Variants in PTN observed in about 807,000 individuals in gnomAD.
PTN encodes pleiotrophin, also known as heparin affin regulatory protein.
Under a neutral mutation model 24.1 loss-of-function variants are expected in PTN, and 18 were observed. The observed-to-expected ratio is 0.75, with a 90% confidence interval of 0.52 to 1.11. The LOEUF (loss-of-function observed/expected upper bound fraction) is 1.11. Among genes scored for constraint, PTN ranks in the 50% least tolerant of loss-of-function variants. PTN has a pLI of 0.00. For missense variants in PTN, 163 were observed against 198.8 expected (o/e 0.82, Z 1.08); for synonymous variants, 78 against 68.6 (o/e 1.14, Z -0.67).
intron 1 of PTN, among the ~76,000 whole-genome samples, chr7:137,296,713 T>C (rs957747515): frequency 3.9e-5 from 6 of 152,090 alleles, no homozygotes; most frequent in African/African-American, 1.4e-4. Context: ...CAGAGGGGAC[T>C]CTGTACAATT....
chr7:137,265,491 G>T (rs917879596), intron 1 of PTN, among the ~76,000 whole-genome samples: 6 of 152,316 alleles, frequency 3.9e-5, no homozygotes, highest in Admixed American at 3.9e-4. Context: ...GGTCTCCAAG[G>T]AATGCTAAGT....
At chr7:137,232,772 T>G (rs1012335910) in intron 4 of PTN, among the ~76,000 whole-genome samples, 1 of 151,914 alleles carries the variant, frequency 6.6e-6, no homozygotes, top group Non-Finnish European at 1.5e-5. Flanking sequence ...CAGGACCAGA[T>G]GGAGGTAATT....
intron 1 of PTN, among the ~76,000 whole-genome samples, chr7:137,319,982 T>C (rs1357746894): frequency 1.3e-5 from 2 of 152,194 alleles, no homozygotes; most frequent in African/African-American, 4.8e-5. Flanking sequence ...CACATGTCTG[T>C]ATGTCCATGT....
rs75507813 is a variant in PTN, at chr7:137,243,754, C to A, written c.451+7476G>T. 8.3e-3 allele frequency among the ~76,000 whole-genome samples: 1,269 copies of A among 152,188 alleles called. 13 individuals carry two copies. The highest frequency in any genetic ancestry group is 0.014 in the Non-Finnish European group (947 of 68,008). On this transcript the variant is annotated intron_variant, in intron 4 of 4. Transcript: ENST00000348225. ...TTGGATAGTCCCTCAAGAAAGGGGG[C>A]AGAAGTGACTGGTTTCGGAGGGTCA...
At chr7:137,230,536 T>G (rs1042252359) in intron 4 of PTN, among the ~76,000 whole-genome samples, 2 of 151,836 alleles carry the variant, frequency 1.3e-5, no homozygotes, top group African/African-American at 4.8e-5. Flanking sequence ...AATTCATATT[T>G]GCAATAAGGT....
intron 1 of PTN, among the ~76,000 whole-genome samples, chr7:137,318,135 G>A (rs1271326978): frequency 6.6e-6 from 1 of 152,192 alleles, no homozygotes; most frequent in African/African-American, 2.4e-5. Context: ...AGGCATGGCG[G>A]CACATGCCTG....
intron 4 of PTN, among the ~76,000 whole-genome samples, chr7:137,243,815 T>C (rs1011820495): frequency 1.1e-4 from 17 of 152,162 alleles, no homozygotes; most frequent in African/African-American, 4.1e-4. Context: ...GTTCTAAGCA[T>C]TATATGTGCT....
At chr7:137,294,501 G>C (rs151195614) in intron 1 of PTN, among the ~76,000 whole-genome samples, 1 of 152,208 alleles carries the variant, frequency 6.6e-6, no homozygotes, top group East Asian at 1.9e-4. Context: ...TGTCTGCTTT[G>C]CTTGGCAGTC....
chr7:137,325,537 G>C (rs1314149821), intron 1 of PTN: 1 of 152,426 alleles, frequency 6.6e-6, no homozygotes, highest in Non-Finnish European at 1.5e-5. Context: ...CCAGGGCAGG[G>C]GCCCTTTCAA....
Position 137,281,310 on chromosome 7 carries a change from G to A in PTN, c.-1-26336C>T, listed in dbSNP as rs557912535. ...GTGATTCTTTCAGATTTTGGTTAAAGTGATAAAGCTTTCACTCATAAAAGA... is the reference window on the plus strand; with the variant it reads ...GTGATTCTTTCAGATTTTGGTTAAAATGATAAAGCTTTCACTCATAAAAGA... On this transcript the variant is annotated intron_variant, in intron 1 of 4. Coordinates refer to ENST00000348225, the MANE Select transcript of PTN (RefSeq NM_002825.7). 3.1e-4 allele frequency among the ~76,000 whole-genome samples: 47 copies of A among 151,718 alleles called. 1 individual carries two copies. In the South Asian group the frequency reaches 9.6e-3, roughly 31 times the overall value.
chr7:137,282,424 C>A (rs1021039316), intron 1 of PTN, among the ~76,000 whole-genome samples: 1 of 152,058 alleles, frequency 6.6e-6, no homozygotes, highest in Non-Finnish European at 1.5e-5. Flanking sequence ...ATGACTGATA[C>A]TTTATTATTC....
chr7:137,249,033 C>T (rs1168736374), intron 4 of PTN, among the ~76,000 whole-genome samples: 3 of 152,042 alleles, frequency 2.0e-5, no homozygotes, highest in African/African-American at 7.2e-5. Context: ...AGATGAGATA[C>T]TGTATAAAGG....
intron 1 of PTN, among the ~76,000 whole-genome samples, chr7:137,307,764 AAC>A (rs1563219287): frequency 6.6e-6 from 1 of 152,124 alleles, no homozygotes. Flanking sequence ...AACCAATACC[AAC>A]AACCCTGCCC....
chr7:137,329,719 T>C (rs1318627116), intron 1 of PTN, among the ~76,000 whole-genome samples: 1 of 152,178 alleles, frequency 6.6e-6, no homozygotes, highest in Non-Finnish European at 1.5e-5. Context: ...AAAATGTTAC[T>C]CCAATTCTAT....
intron 1 of PTN, among the ~76,000 whole-genome samples, chr7:137,276,204 C>T (rs576492653): frequency 1.5e-4 from 23 of 152,104 alleles, no homozygotes; most frequent in Non-Finnish European, 3.2e-4. Flanking sequence ...ATTTTGAAGA[C>T]GGATCTAAAT....
At chr7:137,265,214 C>T (rs779420143) in intron 1 of PTN, among the ~76,000 whole-genome samples, 2 of 152,116 alleles carry the variant, frequency 1.3e-5, no homozygotes, top group Non-Finnish European at 2.9e-5. Flanking sequence ...CGTGGGACTC[C>T]AACTGCGTCT....
At chr7:137,250,180 T>A (rs1238587092) in intron 4 of PTN, among the ~76,000 whole-genome samples, 2 of 152,196 alleles carry the variant, frequency 1.3e-5, no homozygotes, top group Admixed American at 6.5e-5. Flanking sequence ...ATTGTATTAG[T>A]TGGCTATAGC....
At chr7:137,266,868 CTTTTTT>C (rs57274644) in intron 1 of PTN, among the ~76,000 whole-genome samples, 18 of 98,764 alleles carry the variant, frequency 1.8e-4, no homozygotes, top group South Asian at 8.4e-4. Flanking sequence ...TATAGATGGC[CTTTTTT>C]TTTTTTTTTT....
chr7:137,244,374 A>ATTTTTTTTTTT (rs1242182641), intron 4 of PTN, among the ~76,000 whole-genome samples: 2 of 131,164 alleles, frequency 1.5e-5, no homozygotes, highest in Non-Finnish European at 3.2e-5. Flanking sequence ...TCTCCTCAGA[A>ATTTTTTTTTTT]TTTTTTTTTT....
Sources: allele counts gnomAD v4.1 joint callset (sites outside exome capture counted in the v4.1 genomes callset), GRCh38; gene constraint gnomAD v4.1.1; transcripts MANE v1.5; gene names NCBI Gene and HGNC (gene_info 2026-07-23, HGNC 2026-07-21).